The following SNTG1 variants were observed in gnomAD, a reference collection of about 807,000 sequenced individuals.
The protein encoded by SNTG1 is syntrophin gamma 1.
SNTG1 carries 39 observed loss-of-function variants against 74.7 expected under a neutral mutation model. The observed-to-expected ratio is 0.52, with a 90% CI of 0.40 to 0.68. The LOEUF (loss-of-function observed/expected upper bound fraction) is 0.68. Among genes scored for constraint, SNTG1 ranks in the 30% least tolerant of loss-of-function variants. The pLI is 0.00. For missense variants in SNTG1, 685 were observed against 609.5 expected, an observed-to-expected ratio of 1.12 and a Z score of -1.30; for synonymous variants, 254 against 217.1, an observed-to-expected ratio of 1.17 and a Z score of -1.49.
chr8:50,404,632 T>TG (rs1295962840), intron 4 of SNTG1, among the ~76,000 whole-genome samples: 1 of 152,096 alleles, frequency 6.6e-6, no homozygotes, highest in Non-Finnish European at 1.5e-5. Context: ...TTAAGTTTTT[T>TG]TTTTTAACTG....
intron 4 of SNTG1, among the ~76,000 whole-genome samples, chr8:50,433,001 G>T (rs942213786): frequency 1.3e-5 from 2 of 151,998 alleles, no homozygotes; most frequent in Non-Finnish European, 1.5e-5. Context: ...TGTCGGCCAG[G>T]CTGGTCTCGA....
chr8:50,432,500 C>A (rs1794125208), intron 4 of SNTG1, among the ~76,000 whole-genome samples: 1 of 152,064 alleles, frequency 6.6e-6, no homozygotes, highest in African/African-American at 2.4e-5. Flanking sequence ...TATTATAGGT[C>A]TTTTGGCTGT....
rs527430154 is a variant in SNTG1, at chr8:50,724,646, T to A, written c.1284+15668T>A. Among the ~76,000 whole-genome samples, 4 of 152,294 alleles carry A rather than the reference T, an allele frequency of 2.6e-5. No individual in the cohort carries two copies. The East Asian group carries it at 5.8e-4, about 22-fold the overall frequency. ...TTGGTAGATTATTTTTGGTAGAGGA[T>A]CACAGTTTGTTGAGATGCAATTATG... On this transcript the variant is annotated intron_variant, in intron 17 of 18. Transcript: ENST00000642720.
intron 9 of SNTG1, among the ~76,000 whole-genome samples, chr8:50,513,689 T>C (rs2094106210): frequency 1.3e-5 from 2 of 152,180 alleles, no homozygotes; most frequent in South Asian, 4.1e-4. Flanking sequence ...TGAGTGAGGC[T>C]CCGTGGGCAT....
chr8:50,535,634 A>AT, intron 10 of SNTG1, among the ~76,000 whole-genome samples: 1 of 152,202 alleles, frequency 6.6e-6, no homozygotes. Context: ...GACTTAGTAC[A>AT]TTTTTATTTG....
chr8:50,080,642 A>G (rs1226773178), intron 1 of SNTG1, among the ~76,000 whole-genome samples: 1 of 152,092 alleles, frequency 6.6e-6, no homozygotes, highest in East Asian at 1.9e-4. Flanking sequence ...GGTTTATGTT[A>G]GGGGTTGGCA....
At chr8:50,700,830 T>A (rs958325038) in intron 15 of SNTG1, among the ~76,000 whole-genome samples, 11 of 152,174 alleles carry the variant, frequency 7.2e-5, no homozygotes, top group African/African-American at 2.4e-4. Flanking sequence ...CCATTTGCAG[T>A]GTGAGTCAGT....
At chr8:50,098,038 C>G (rs1306499105) in intron 1 of SNTG1, among the ~76,000 whole-genome samples, 1 of 152,080 alleles carries the variant, frequency 6.6e-6, no homozygotes, top group Non-Finnish European at 1.5e-5. Flanking sequence ...TCTCCAAAAT[C>G]TTATAATTGT....
chr8:50,222,252 C>A (rs1167337267), intron 2 of SNTG1, among the ~76,000 whole-genome samples: 6 of 152,160 alleles, frequency 3.9e-5, no homozygotes, highest in African/African-American at 1.2e-4. Context: ...ATCCTCCTAA[C>A]CTGGTGGTCT....
At chr8:50,381,064 T>G (rs747810841) in intron 2 of SNTG1, 1 of 152,170 alleles carries the variant, frequency 6.6e-6, no homozygotes, top group Non-Finnish European at 1.5e-5. Context: ...AGATTCTACA[T>G]GGATCAAAGA....
intron 1 of SNTG1, among the ~76,000 whole-genome samples, chr8:49,971,974 C>A (rs1811728425): frequency 6.6e-6 from 1 of 152,200 alleles, no homozygotes; most frequent in African/African-American, 2.4e-5. Flanking sequence ...CCATCCCCAT[C>A]AAGCTACCAA....
At position 50,401,035 on chromosome 8, in the gene SNTG1, C is replaced by T. The variant is rs567081681; in HGVS notation, c.28-1175C>T. Reference sequence around the variant, plus strand: ...TGATTTGATAATTACACAATATATACATACATCAAAACCTCACATTGTTTG... The same window carrying T: ...TGATTTGATAATTACACAATATATATATACATCAAAACCTCACATTGTTTG... On this transcript the variant is annotated intron_variant, in intron 3 of 18. Transcript: ENST00000642720. Among the ~76,000 whole-genome samples the T allele has an allele frequency of 2.2e-4, 33 of 152,130 alleles. No homozygotes were observed. In the South Asian group the frequency reaches 3.9e-3, roughly 18 times the overall value.
chr8:50,701,591 C>CTTCTTCTTCTTCTTCTTCTTG (rs2095424052), intron 15 of SNTG1, among the ~76,000 whole-genome samples: 2 of 135,110 alleles, frequency 1.5e-5, no homozygotes, highest in African/African-American at 5.7e-5. Context: ...TCTTCCTCTT[C>CTTCTTCTTCTTCTTCTTCTTG]TTCTTCTTCT....
chr8:49,959,984 G>A (rs555726694), intron 1 of SNTG1, among the ~76,000 whole-genome samples: 3 of 152,278 alleles, frequency 2.0e-5, no homozygotes, highest in South Asian at 4.1e-4. Flanking sequence ...TACCCAAGGT[G>A]TTACAGCTAA....
At chr8:50,375,904 A>G (rs2092368672) in intron 2 of SNTG1, among the ~76,000 whole-genome samples, 1 of 152,174 alleles carries the variant, frequency 6.6e-6, no homozygotes, top group Non-Finnish European at 1.5e-5. Context: ...AGAACAGTAC[A>G]TTTTTAGAGA....
chr8:50,792,306 C>T (rs1384297527), intron 18 of SNTG1, among the ~76,000 whole-genome samples: 2 of 151,894 alleles, frequency 1.3e-5, no homozygotes, highest in South Asian at 4.1e-4. Flanking sequence ...CCATATTTAT[C>T]ATCTGATGTG....
chr8:50,300,437 T>C (rs1045689634), intron 2 of SNTG1, among the ~76,000 whole-genome samples: 2 of 152,104 alleles, frequency 1.3e-5, no homozygotes, highest in Admixed American at 6.5e-5. Context: ...GCCCAGCCAA[T>C]AAGTTTTCAA....
At chr8:49,947,372 T>C (rs1330841474) in intron 1 of SNTG1, among the ~76,000 whole-genome samples, 1 of 152,158 alleles carries the variant, frequency 6.6e-6, no homozygotes, top group African/African-American at 2.4e-5. Context: ...ACATGACCAA[T>C]GTTTAACCAT....
intron 2 of SNTG1, among the ~76,000 whole-genome samples, chr8:50,299,760 C>A (rs2089560854): frequency 6.6e-6 from 1 of 152,098 alleles, no homozygotes; most frequent in Non-Finnish European, 1.5e-5. Flanking sequence ...TCCGTTAGAA[C>A]TAGCCCTATT....
Sources: gnomAD v4.1 joint callset for allele counts (sites outside exome capture counted in the v4.1 genomes callset) on GRCh38, gnomAD v4.1.1 for gene constraint, MANE v1.5 for transcripts, NCBI Gene and HGNC (gene_info 2026-07-23, HGNC 2026-07-21) for gene names.